MAGI1: variants seen among roughly 807,000 people sequenced by gnomAD.
MAGI1 encodes membrane-associated guanylate kinase, WW and PDZ domain-containing protein 1.
In MAGI1, 58 loss-of-function variants were observed where a neutral mutation model predicts 139.9. That is an observed-to-expected ratio of 0.41 (90% CI 0.34 to 0.52). The LOEUF (loss-of-function observed/expected upper bound fraction) is 0.52. Among genes scored for constraint, MAGI1 ranks in the 20% least tolerant of loss-of-function variants. The pLI, the probability that MAGI1 is intolerant of heterozygous loss-of-function variation, is 0.12. For synonymous variants in MAGI1, 812 were observed against 737.9 expected, an observed-to-expected ratio of 1.10 and a Z score of -1.63; for missense variants, 1,874 against 1,901.6, an observed-to-expected ratio of 0.99 and a Z score of 0.27.
intron 1 of MAGI1, among the ~76,000 whole-genome samples, chr3:65,694,871 G>T (rs2089009733): frequency 2.0e-5 from 3 of 152,164 alleles, no homozygotes; most frequent in Admixed American, 2.0e-4. Context: ...CTTTGAACAG[G>T]CTGAGATAAT....
chr3:65,769,271 T>C (rs1287240250), intron 1 of MAGI1, among the ~76,000 whole-genome samples: 1 of 152,198 alleles, frequency 6.6e-6, no homozygotes. Context: ...TGGTTTTCTT[T>C]TGATCTTTTT....
intron 1 of MAGI1, among the ~76,000 whole-genome samples, chr3:65,993,447 A>C (rs927534264): frequency 6.6e-6 from 1 of 152,184 alleles, no homozygotes; most frequent in Admixed American, 6.5e-5. Context: ...CTGAACACCT[A>C]CTGAACAAGA....
At chr3:65,498,565 C>G (rs75674744) in intron 2 of MAGI1, among the ~76,000 whole-genome samples, 1 of 152,118 alleles carries the variant, frequency 6.6e-6, no homozygotes, top group Non-Finnish European at 1.5e-5. Context: ...ACAAGAAACA[C>G]AGAAGTAAGG....
At chr3:65,897,227 C>T (rs992537586) in intron 1 of MAGI1, among the ~76,000 whole-genome samples, 6 of 151,944 alleles carry the variant, frequency 3.9e-5, no homozygotes, top group African/African-American at 1.5e-4. Flanking sequence ...CCTAATAGTT[C>T]TGTAATAAAC....
intron 14 of MAGI1, chr3:65,387,136 TCCTTACTCGGAC>T: frequency 1.9e-6 from 3 of 1,612,268 alleles, no homozygotes; most frequent in Non-Finnish European, 2.5e-6. Flanking sequence ...TTTCAGCGGA[TCCTTACTCGGAC>T]ATTCTCCAAA....
chr3:65,588,399 C>T (rs536782682), intron 2 of MAGI1, among the ~76,000 whole-genome samples: 119 of 152,244 alleles, frequency 7.8e-4, no homozygotes, highest in African/African-American at 2.8e-3. Context: ...AGAAAAAATG[C>T]TACCTTCAGA....
chr3:65,888,311 G>A (rs1420935456), intron 1 of MAGI1, among the ~76,000 whole-genome samples: 1 of 152,176 alleles, frequency 6.6e-6, no homozygotes, highest in Non-Finnish European at 1.5e-5. Context: ...GTCAAGGAGA[G>A]GTTGAGAAAG....
chr3:65,738,476 C>T (rs1239361012), intron 1 of MAGI1, among the ~76,000 whole-genome samples: 2 of 152,206 alleles, frequency 1.3e-5, no homozygotes, highest in African/African-American at 2.4e-5. Context: ...CACACCCAGC[C>T]ACAAATGTTC....
intron 1 of MAGI1, chr3:65,687,499 T>C (rs1381430147): frequency 5.2e-6 from 2 of 382,814 alleles, no homozygotes; most frequent in Non-Finnish European, 1.1e-5. Flanking sequence ...ACCCAGCTCC[T>C]GATTCTGCTG....
At chr3:65,992,459 T>TAAA (rs2066232794) in intron 1 of MAGI1, among the ~76,000 whole-genome samples, 5 of 55,858 alleles carry the variant, frequency 9.0e-5, no homozygotes, top group Admixed American at 4.6e-4. Context: ...CAAAAAACAG[T>TAAA]GAACTGTGGT....
intron 2 of MAGI1, among the ~76,000 whole-genome samples, chr3:65,538,587 T>C (rs895474207): frequency 2.0e-5 from 3 of 152,152 alleles, no homozygotes; most frequent in African/African-American, 7.2e-5. Flanking sequence ...AAATACAATA[T>C]GAAGGATATC....
rs1180878832 is a variant in MAGI1 at position 65,974,390 on chromosome 3, G to A, written c.313+63606C>T. ...GGGTGGGCGGGTGGGCGGGTGGCTG[G>A]GTGGATGGGTGGATGGGTGGATGGA... On this transcript the variant is annotated intron_variant, in intron 1 of 22. Transcript: ENST00000402939. Among the ~76,000 whole-genome samples the A allele has an allele frequency of 3.7e-5, 5 of 134,928 alleles. No individual in the cohort carries two copies. In the East Asian group the frequency reaches 6.8e-4, roughly 18 times the overall value. The allele number at this position is 134,928 out of a possible 152,430, so 88.5% of individuals were successfully genotyped here. A position where few individuals can be genotyped will look rare whatever the true frequency, so the allele number is the denominator to read the frequency against.
At position 65,439,965 on chromosome 3, in the gene MAGI1, T is replaced by C. The variant is rs1948151671; in HGVS notation, c.1184A>G (p.Lys395Arg). ...TQYENPVLEAKRKKQLEQQQQ... is the reference protein window; with the variant it reads ...TQYENPVLEARRKKQLEQQQQ... ...CTGCTGCTCAAGCTGCTTCTTCCGT[T>C]TGGCTTCTAGAACCGGGTTCTCATA... Residue 395 changes from lysine (K) to arginine (R), a missense_variant, in exon 9 of 23, where the codon AAA becomes AGA. Lys to Arg is a conservative substitution (Grantham distance 26, BLOSUM62 2). Transcript: ENST00000402939. The C allele has an allele frequency of 1.2e-6, 2 of 1,613,992 alleles. No homozygotes were observed. The highest frequency in any genetic ancestry group is 1.7e-6 in the Non-Finnish European group (2 of 1,180,006).
At chr3:65,501,170 C>T (rs28756882) in intron 2 of MAGI1, among the ~76,000 whole-genome samples, 1 of 152,186 alleles carries the variant, frequency 6.6e-6, no homozygotes, top group East Asian at 1.9e-4. Context: ...AAAACCCCTT[C>T]TGAAACTGCT....
chr3:66,034,391 G>C (rs748547040), intron 1 of MAGI1, among the ~76,000 whole-genome samples: 12 of 152,254 alleles, frequency 7.9e-5, no homozygotes, highest in Non-Finnish European at 1.8e-4. Flanking sequence ...CAAATTCTCT[G>C]AACCTCAGCT....
chr3:65,418,786 C>A (rs969347710), intron 12 of MAGI1, among the ~76,000 whole-genome samples: 3 of 152,182 alleles, frequency 2.0e-5, no homozygotes, highest in African/African-American at 7.2e-5. Flanking sequence ...TTACCCCAAT[C>A]CCTATCCCAC....
At chr3:65,663,743 T>C (rs1380389127) in intron 1 of MAGI1, among the ~76,000 whole-genome samples, 1 of 152,156 alleles carries the variant, frequency 6.6e-6, no homozygotes, top group African/African-American at 2.4e-5. Context: ...TGTTCTTCCT[T>C]GTCAAGGTTC....
intron 12 of MAGI1, among the ~76,000 whole-genome samples, chr3:65,414,551 G>A (rs960485914): frequency 2.0e-4 from 30 of 152,126 alleles, no homozygotes; most frequent in Non-Finnish European, 2.9e-4. Flanking sequence ...CTCTGCTTTC[G>A]TATCCTGTTC....
chr3:65,881,757 G>A (rs987036656), intron 1 of MAGI1, among the ~76,000 whole-genome samples: 8 of 152,210 alleles, frequency 5.3e-5, no homozygotes, highest in Non-Finnish European at 8.8e-5. Context: ...AAGTCTATGG[G>A]AGGGGGATTC....
Sources: gnomAD v4.1 joint callset for allele counts (sites outside exome capture counted in the v4.1 genomes callset) on GRCh38, gnomAD v4.1.1 for gene constraint, MANE v1.5 for transcripts, NCBI Gene and HGNC (gene_info 2026-07-23, HGNC 2026-07-21) for gene names.